CFLAR: variants seen among roughly 807,000 people sequenced by gnomAD.
CFLAR encodes the protein CASP8 and FADD-like apoptosis regulator.
A neutral mutation model predicts 51.1 loss-of-function variants in CFLAR; 14 were observed. The ratio of observed to expected loss-of-function variants is 0.27; its 90% CI spans 0.18 to 0.43. The LOEUF is 0.43. CFLAR is among the 20% of genes least tolerant of loss of function. The pLI is 1.00. For missense variants in CFLAR, 390 were observed against 566.5 expected (o/e 0.69, Z 3.16); for synonymous variants, 210 against 211.6 (o/e 0.99, Z 0.06).
Position 201,145,364 on chromosome 2 carries a change from C to T in CFLAR, c.607-14C>T. On this transcript the variant is annotated splice_polypyrimidine_tract_variant and intron_variant, in intron 5 of 9. Coordinates refer to ENST00000309955, the MANE Select transcript of CFLAR (RefSeq NM_003879.7). ...AACTAACAGGAAGTATGACCTTATT[C>T]TTTGTATTTGAAGCTCCATAATGGG... 2 of 1,568,546 alleles carry T rather than the reference C, an allele frequency of 1.3e-6. No homozygotes were observed. Among genetic ancestry groups the T allele is most frequent in the Non-Finnish European group, 1.8e-6 (2 of 1,139,790 alleles).
At chr2:201,130,353 C>CTTTTTTT (rs771361555) in intron 2 of CFLAR, among the ~76,000 whole-genome samples, 16 of 92,294 alleles carry the variant, frequency 1.7e-4, no homozygotes, top group Non-Finnish European at 2.5e-4. Flanking sequence ...TTCTTTCTTT[C>CTTTTTTT]TTTTTTTTTT....
At chr2:201,161,604 T>C (rs1242975596) in intron 9 of CFLAR, among the ~76,000 whole-genome samples, 1 of 151,534 alleles carries the variant, frequency 6.6e-6, no homozygotes, top group Admixed American at 6.6e-5. Flanking sequence ...TAGTAGAGAC[T>C]GGGTTTCACC....
chr2:201,126,194 G>A (rs547768690), intron 1 of CFLAR, among the ~76,000 whole-genome samples: 2 of 150,182 alleles, frequency 1.3e-5, no homozygotes, highest in Non-Finnish European at 1.5e-5. Flanking sequence ...AGAAAGGGGA[G>A]GGGGGGGTCT....
rs549282701 is a variant in CFLAR at position 201,164,955 on chromosome 2, A to C, written c.*982A>C. 4 of 152,130 alleles carry C rather than the reference A, an allele frequency of 2.6e-5. No homozygotes were observed. Among genetic ancestry groups the C allele is most frequent in the African/African-American group, 9.7e-5 (4 of 41,416 alleles). The allele number at this position is 152,130 out of a possible 1,614,324, so 9.4% of individuals were successfully genotyped here. On this transcript the variant is annotated 3_prime_UTR_variant, in exon 10 of 10. Coordinates refer to ENST00000309955, the MANE Select transcript of CFLAR (RefSeq NM_003879.7). Reference sequence around the variant, plus strand: ...AAAAAGAGGATGCAAACTCTCAAGTATATCTTTAAGGGCACAAATTCCATT... The same window carrying C: ...AAAAAGAGGATGCAAACTCTCAAGTCTATCTTTAAGGGCACAAATTCCATT...
Position 201,168,975 on chromosome 2 carries a change from G to GA in CFLAR, c.*5008dup, listed in dbSNP as rs1217343874. Reference sequence around the variant, plus strand: ...CAAGGAAATAAGAGAGGACACAAATGAAAAAACATTCCATTCTCGTGGATA... The same window carrying GA: ...CAAGGAAATAAGAGAGGACACAAATGAAAAAAACATTCCATTCTCGTGGATA... On this transcript the variant is annotated 3_prime_UTR_variant, in exon 10 of 10. Coordinates refer to ENST00000309955, the MANE Select transcript of CFLAR (RefSeq NM_003879.7). 1.1e-4 allele frequency: 17 copies of GA among 152,016 alleles called. No individual in the cohort carries two copies. The highest frequency in any genetic ancestry group is 3.6e-4 in the African/African-American group (15 of 41,476). 9.4% of individuals were successfully genotyped at this position (152,016 alleles called of 1,614,324 possible).
chr2:201,165,791 G>A lies in CFLAR; in HGVS notation c.*1818G>A, dbSNP rs1432259818. The A allele has an allele frequency of 6.2e-6, 1 of 160,480 alleles. No homozygotes were observed. Among genetic ancestry groups the A allele is most frequent in the African/African-American group, 2.4e-5 (1 of 41,474 alleles). The allele number at this position is 160,480 out of a possible 1,614,324, so 9.9% of individuals were successfully genotyped here. ...AGGGAGTGGTGATGACTCTTAAGGA[G>A]CATGCTGCCTTCAAGCATCTGTTTA... On this transcript the variant is annotated 3_prime_UTR_variant, in exon 10 of 10. Coordinates refer to ENST00000309955, the MANE Select transcript of CFLAR (RefSeq NM_003879.7).
chr2:201,154,818 G>A (rs1300221826), intron 8 of CFLAR, among the ~76,000 whole-genome samples: 1 of 152,228 alleles, frequency 6.6e-6, no homozygotes, highest in Middle Eastern at 3.2e-3. Flanking sequence ...GTTCGTTGAG[G>A]GCCTACTATG....
At chr2:201,163,771 C>G in intron 9 of CFLAR, 64 bp from the exon 10 acceptor site, 1 of 1,560,228 alleles carries the variant, frequency 6.4e-7, no homozygotes, top group South Asian at 1.2e-5. Context: ...TCATTTCGCC[C>G]TAATGACAGT....
intron 1 of CFLAR, among the ~76,000 whole-genome samples, chr2:201,119,416 A>G (rs1176195664): frequency 6.6e-6 from 1 of 152,202 alleles, no homozygotes; most frequent in African/African-American, 2.4e-5. Flanking sequence ...CCTGTGGGCC[A>G]TGGTGGGGCA....
At position 201,161,071 on chromosome 2, in the gene CFLAR, T is replaced by C. The variant is rs1029934558; in HGVS notation, c.1304+129T>C. On this transcript the variant is annotated intron_variant, in intron 9 of 9. Coordinates refer to ENST00000309955, the MANE Select transcript of CFLAR (RefSeq NM_003879.7). ...GGAAAAGAGATTTTCCCTCCTGCAT[T>C]GGGCTTGCCCTAGGACTACAGTATA... 3.5e-5 allele frequency: 23 copies of C among 655,236 alleles called. No homozygotes were observed. The African/African-American group carries it at 4.2e-4, about 12-fold the overall frequency. The allele number at this position is 655,236 out of a possible 1,614,324, so 40.6% of individuals were successfully genotyped here. A position where few individuals can be genotyped will look rare whatever the true frequency, so the allele number is the denominator to read the frequency against.
chr2:201,131,695 G>GT lies in CFLAR; in HGVS notation c.282-1327dup, dbSNP rs952398371. Among the ~76,000 whole-genome samples the GT allele has an allele frequency of 5.3e-5, 8 of 151,892 alleles. No homozygotes were observed. The South Asian group carries it at 1.2e-3, about 24-fold the overall frequency. On this transcript the variant is annotated intron_variant, in intron 2 of 9. Coordinates refer to ENST00000309955, the MANE Select transcript of CFLAR (RefSeq NM_003879.7). The stretch of plus-strand genomic sequence containing the variant: ...TGGAAAGCCTGTTTTTTTGGTTTTT[G>GT]TTTTTTTGTTTGTTTGTTTGTTTTT...
At chr2:201,148,623 A>G (rs1300786401) in intron 6 of CFLAR, 1 of 208,672 alleles carries the variant, frequency 4.8e-6, no homozygotes, top group African/African-American at 2.3e-5. Context: ...TGTTCCCTTT[A>G]GGTATTGTCA....
rs1434861044 is a variant in CFLAR at position 201,118,046 on chromosome 2, T to G, written c.-138+1565T>G. On this transcript the variant is annotated intron_variant, in intron 1 of 9. Transcript: ENST00000309955. The surrounding 1 kb of genome is among the most constrained non-coding windows in gnomAD (Gnocchi z 5.1). ...CTGGGATTACAGGCGTGAGCCACCA[T>G]GCCCGGCCCAACTCCAAGATCTAAA... Among the ~76,000 whole-genome samples, 1 of 152,198 alleles carries G rather than the reference T, an allele frequency of 6.6e-6. No individual in the cohort carries two copies. The highest frequency in any genetic ancestry group is 1.5e-5 in the Non-Finnish European group (1 of 68,034).
At chr2:201,127,165 A>G (rs1248343499) in intron 1 of CFLAR, among the ~76,000 whole-genome samples, 1 of 152,198 alleles carries the variant, frequency 6.6e-6, no homozygotes, top group Admixed American at 6.5e-5. Context: ...AGCTAATGGT[A>G]TCTTGATCAG....
intron 1 of CFLAR, 190 bp from the exon 2 acceptor site, chr2:201,129,539 C>G (rs1365615310): frequency 5.0e-6 from 2 of 402,122 alleles, no homozygotes; most frequent in East Asian, 3.5e-5. Flanking sequence ...TCTTCTCTGT[C>G]TTTTTGGATT....
At chr2:201,160,281 A>G (rs1942846696) in intron 8 of CFLAR, 151 bp from the exon 9 acceptor site, 1 of 810,324 alleles carries the variant, frequency 1.2e-6, no homozygotes, top group Non-Finnish European at 2.0e-6. Flanking sequence ...TTCTTGTTCC[A>G]ACTGCCCAGG....
intron 1 of CFLAR, among the ~76,000 whole-genome samples, chr2:201,121,682 A>C (rs551515435): frequency 6.6e-6 from 1 of 152,320 alleles, no homozygotes; most frequent in Non-Finnish European, 1.5e-5. Flanking sequence ...ATATCTCCCA[A>C]AGGGCCAAGT....
chr2:201,135,969 T>TA lies in CFLAR; in HGVS notation c.388-2dup, dbSNP rs758482965. ...ATTTGTTTTTTGTTGGTGGTTCTCT[T>TA]AGAGTTTCTTGGACCTTGTGGTTGA... On this transcript the variant is annotated splice_region_variant and splice_polypyrimidine_tract_variant and intron_variant, in intron 3 of 9. Transcript: ENST00000309955. 32 of 1,604,978 alleles carry TA rather than the reference T, an allele frequency of 2.0e-5. No individual in the cohort carries two copies. The highest frequency in any genetic ancestry group is 2.4e-5 in the Non-Finnish European group (28 of 1,177,240).
In CFLAR at chr2:201,138,911, A is replaced by C; in HGVS notation, c.524-1446A>C. The C allele has an allele frequency of 1.5e-6, 1 of 664,244 alleles. No homozygotes were observed. The highest frequency in any genetic ancestry group is 3.3e-5 in the East Asian group (1 of 30,230). The allele number at this position is 664,244 out of a possible 1,614,324, so 41.1% of individuals were successfully genotyped here. A position where few individuals can be genotyped will look rare whatever the true frequency, so the allele number is the denominator to read the frequency against. On this transcript the variant is annotated intron_variant, in intron 4 of 9. Transcript: ENST00000309955. This position sits in a 1 kb window ranked among gnomAD's most constrained non-coding sequence, Gnocchi z 4.0. Reference sequence around the variant, plus strand: ...TTGGGTCAGGGCTGAGGTCAGGTCCACCTCATCAGCTATGAAGTCTATGAA... The same window carrying C: ...TTGGGTCAGGGCTGAGGTCAGGTCCCCCTCATCAGCTATGAAGTCTATGAA...
Sources: allele counts gnomAD v4.1 joint callset (sites outside exome capture counted in the v4.1 genomes callset), GRCh38; gene constraint gnomAD v4.1.1; non-coding constraint Gnocchi (gnomAD v3.1); transcripts MANE v1.5; gene names NCBI Gene and HGNC (gene_info 2026-07-23, HGNC 2026-07-21).